Variants in CEBPZOS observed in about 807,000 individuals in gnomAD.
The protein encoded by CEBPZOS is CEBPZ opposite strand, also known as protein CEBPZOS.
Under a neutral mutation model 4.8 loss-of-function variants are expected in CEBPZOS, and 10 were observed. That is an observed-to-expected ratio of 2.07 (90% CI 1.28 to 3.52). The LOEUF (loss-of-function observed/expected upper bound fraction) is 3.52, where lower values mean the gene tolerates loss of function less well. Ranked by LOEUF, CEBPZOS falls within the 30% of genes most tolerant of loss-of-function variation. The probability of loss-of-function intolerance (pLI) is 0.00; values close to 1 mark genes in which losing one functional copy is unlikely to be tolerated. For synonymous variants in CEBPZOS, 25 were observed against 14.2 expected (o/e 1.77, Z -1.72); for missense variants, 98 against 43.6 (o/e 2.25, Z -3.51).
downstream of CEBPZOS, chr2:37,209,514 G>C (rs1412405958): frequency 2.0e-5 from 3 of 152,120 alleles, no homozygotes; most frequent in Non-Finnish European, 4.4e-5. Context: ...TCTGATCTTT[G>C]ACAAAGTAAA....
downstream of CEBPZOS, chr2:37,213,997 T>G: frequency 1.7e-6 from 2 of 1,188,068 alleles, no homozygotes; most frequent in East Asian, 5.7e-5. Context: ...ACAATTTTAT[T>G]AAAGGTCTAA....
downstream of CEBPZOS, among the ~76,000 whole-genome samples, chr2:37,205,607 T>C (rs1369137544): frequency 6.6e-6 from 1 of 152,246 alleles, no homozygotes; most frequent in Non-Finnish European, 1.5e-5. Flanking sequence ...AAAGCCTGTT[T>C]GGTGGTCTCT....
chr2:37,212,485 T>C lies in CEBPZOS; in HGVS notation c.*3-952T>C, dbSNP rs990865401. The C allele has an allele frequency of 4.6e-6, 5 of 1,090,174 alleles. No homozygotes were observed. In the African/African-American group the frequency reaches 6.2e-5, roughly 14 times the overall value. The allele number at this position is 1,090,174 out of a possible 1,614,324, so 67.5% of individuals were successfully genotyped here. ...AATCAATTATTCTAAGTCATGATTC[T>C]GCTGTTTATGACAAGTGAACACCAA... On this transcript the variant is annotated intron_variant, in intron 4 of 4. Coordinates refer to the CEBPZOS transcript ENST00000397064.
At chr2:37,212,006 A>G in intron 4 of CEBPZOS, 1 of 1,603,084 alleles carries the variant, frequency 6.2e-7, no homozygotes. Flanking sequence ...CTAATGTGTT[A>G]TCCTTAGCTC....
chr2:37,206,920 T>C (rs1247545507), downstream of CEBPZOS, among the ~76,000 whole-genome samples: 1 of 152,076 alleles, frequency 6.6e-6, no homozygotes, highest in Non-Finnish European at 1.5e-5. Context: ...ACGTAACACA[T>C]AAGGACTCAC....
chr2:37,211,957 G>C, intron 4 of CEBPZOS: 1 of 1,613,554 alleles, frequency 6.2e-7, no homozygotes, highest in South Asian at 1.1e-5. Flanking sequence ...TCGTCATCCA[G>C]GTTACCAAGT....
chr2:37,211,067 G>C (rs1315878925), intron 4 of CEBPZOS: 1 of 1,608,438 alleles, frequency 6.2e-7, no homozygotes, highest in Non-Finnish European at 8.5e-7. Context: ...ACTGACTTTG[G>C]AGTGGACTTC....
At position 37,200,593 on chromosome 2, in the gene CEBPZOS, G is replaced by A. The variant is rs115833478; in HGVS notation, c.116-455G>A. On this transcript the variant is annotated intron_variant, in intron 2 of 4. Coordinates refer to ENST00000402297, the MANE Select transcript of CEBPZOS (RefSeq NM_001322374.2). ...CTTGCACTTGTAATTCCAGCACTTC[G>A]GGAGGCCAAGGTGGAAGGACTGCTT... 4.9e-3 allele frequency among the ~76,000 whole-genome samples: 743 copies of A among 152,194 alleles called. 9 individuals are homozygous for A. The highest frequency in any genetic ancestry group is 0.016 in the African/African-American group (678 of 41,514).
chr2:37,212,735 G>A (rs1677762747), intron 4 of CEBPZOS: 1 of 242,778 alleles, frequency 4.1e-6, no homozygotes, highest in African/African-American at 2.3e-5. Context: ...TAATAGGTGT[G>A]ATACAATATG....
At chr2:37,212,537 T>C (rs1403052000) in intron 4 of CEBPZOS, 38 of 690,884 alleles carry the variant, frequency 5.5e-5, no homozygotes, top group Non-Finnish European at 9.0e-5. Context: ...CTGTTGCTAG[T>C]GTGCCTTAAT....
Position 37,203,068 on chromosome 2 carries a change from C to A in CEBPZOS, c.*1208C>A. The A allele has an allele frequency of 1.8e-6, 2 of 1,117,192 alleles. No individual in the cohort carries two copies. Among genetic ancestry groups the A allele is most frequent in the Non-Finnish European group, 2.5e-6 (2 of 787,690 alleles). The allele number at this position is 1,117,192 out of a possible 1,614,324, so 69.2% of individuals were successfully genotyped here. On this transcript the variant is annotated 3_prime_UTR_variant, in exon 5 of 5. Transcript: ENST00000402297. ...TAAATCTAATGATTTTAGAAAAATG[C>A]AATGCAACATGATTTTATTTTAAAA...
chr2:37,201,248 G>C (rs1677216371), intron 3 of CEBPZOS, 156 bp downstream of exon 3: 3 of 582,410 alleles, frequency 5.2e-6, no homozygotes, highest in Non-Finnish European at 9.2e-6. Context: ...AGTGAGAGGA[G>C]AATTAGGTAA....
rs997635372 is a variant in CEBPZOS at position 37,204,074 on chromosome 2, T to C, written c.*2214T>C. 3 of 150,826 alleles carry C rather than the reference T, an allele frequency of 2.0e-5. No individual in the cohort carries two copies. Among genetic ancestry groups the C allele is most frequent in the African/African-American group, 7.5e-5 (3 of 40,142 alleles). The allele number at this position is 150,826 out of a possible 1,614,324, so 9.3% of individuals were successfully genotyped here. A position where few individuals can be genotyped will look rare whatever the true frequency, so the allele number is the denominator to read the frequency against. ...CATCTTGATTTTTATTAAGGTGATA[T>C]GTATGTTACTTAACAGCTGTATAAT... is the stretch of plus-strand genomic sequence containing the variant. On this transcript the variant is annotated 3_prime_UTR_variant, in exon 5 of 5. Transcript: ENST00000402297.
downstream of CEBPZOS, chr2:37,213,915 C>T (rs766804895): frequency 1.9e-6 from 3 of 1,595,358 alleles, no homozygotes; most frequent in Non-Finnish European, 2.6e-6. Flanking sequence ...CTTTCTTCAT[C>T]TGCATCCCGT....
chr2:37,209,739 T>C (rs1346712413), downstream of CEBPZOS: 1 of 152,148 alleles, frequency 6.6e-6, no homozygotes, highest in East Asian at 1.9e-4. Context: ...GTAGAGTTCA[T>C]GACCAAGAAC....
At chr2:37,197,258 A>G (rs1421452601) in intron 1 of CEBPZOS, 1 of 152,236 alleles carries the variant, frequency 6.6e-6, no homozygotes, top group East Asian at 1.9e-4. Context: ...GGACAGGTGT[A>G]TCCCTGGTGG....
Position 37,203,022 on chromosome 2 carries a change from T to G in CEBPZOS, c.*1162T>G, listed in dbSNP as rs1363074832. On this transcript the variant is annotated 3_prime_UTR_variant, in exon 5 of 5. Transcript: ENST00000402297. ...TTTTTCTTGGCCCTAAAAAAAATTG[T>G]AAGTCTACATTATTCAATTATAAAT... 2.0e-6 allele frequency: 3 copies of G among 1,488,650 alleles called. No homozygotes were observed. In the Admixed American group the frequency reaches 6.7e-5, roughly 33 times the overall value. The allele number at this position is 1,488,650 out of a possible 1,614,324, so 92.2% of individuals were successfully genotyped here.
At chr2:37,205,129 G>A (rs1677488477), downstream of CEBPZOS, among the ~76,000 whole-genome samples, 1 of 152,118 alleles carries the variant, frequency 6.6e-6, no homozygotes, top group Non-Finnish European at 1.5e-5. Flanking sequence ...GTTATTACAG[G>A]ACTAAGAAAT....
chr2:37,209,663 T>C (rs1677656594), downstream of CEBPZOS: 1 of 152,138 alleles, frequency 6.6e-6, no homozygotes, highest in Admixed American at 6.6e-5. Flanking sequence ...GACTTAAAGA[T>C]AAGACCTGAA....
Sources: allele counts gnomAD v4.1 joint callset (sites outside exome capture counted in the v4.1 genomes callset), GRCh38; gene constraint gnomAD v4.1.1; transcripts MANE v1.5; gene names NCBI Gene and HGNC (gene_info 2026-07-23, HGNC 2026-07-21).